Variants in PAICS observed in about 807,000 individuals in gnomAD.
The protein encoded by PAICS is bifunctional phosphoribosylaminoimidazole carboxylase/phosphoribosylaminoimidazole succinocarboxamide synthetase.
Under a neutral mutation model 53.7 loss-of-function variants are expected in PAICS, and 33 were observed. That is an observed-to-expected ratio of 0.61 (90% CI 0.47 to 0.82). The LOEUF (loss-of-function observed/expected upper bound fraction) is 0.82. PAICS is among the 40% of genes least tolerant of loss of function. The pLI, the probability that PAICS is intolerant of heterozygous loss-of-function variation, is 0.00. For synonymous variants in PAICS, 141 were observed against 167.2 expected, an observed-to-expected ratio of 0.84 and a Z score of 1.21; for missense variants, 394 against 494.1, an observed-to-expected ratio of 0.80 and a Z score of 1.92.
Position 56,446,790 on chromosome 4 carries a change from G to T in PAICS, c.310G>T (p.Ala104Ser), listed in dbSNP as rs1718640787. The T allele has an allele frequency of 1.2e-6, 2 of 1,608,398 alleles. No homozygotes were observed. Among genetic ancestry groups the T allele is most frequent in the East Asian group, 2.2e-5 (1 of 44,830 alleles). The change falls in exon 3 of 9, where the codon GCA (alanine) becomes TCA (serine). Residue 104 changes from alanine to serine, a missense_variant. This residue lies in a region of PAICS where 168 missense variants were observed against 199.3 expected (regional missense o/e 0.84). Coordinates refer to ENST00000512576, the MANE Select transcript of PAICS (RefSeq NM_001079524.2). ...AATTGAATGGGTTTGCAGAAGAATA[G>T]CAACTGGTTCTTTTCTCAAAAGAAA... ...IPIEWVCRRI[A>S]TGSFLKRNPG...
At position 56,446,731 on chromosome 4, in the gene PAICS, C is replaced by T. The variant is rs1162935974; in HGVS notation, c.251C>T (p.Thr84Ile). The stretch of plus-strand genomic sequence containing the variant: ...GCCTTCACCAGAAAATGTGGGGAGA[C>T]AGCTTTCATTGCACCGCAGTGTGAA... ...KTAFTRKCGE[T>I]AFIAPQCEMI... The change falls in exon 3 of 9, where the codon ACA becomes ATA. Residue 84 changes from threonine to isoleucine, a missense_variant. Physicochemically the swap from Thr to Ile is moderately conservative, Grantham distance 89 (BLOSUM62 -1). Around this residue, in one of 3 missense-constraint regions of PAICS, gnomAD observed 168 missense variants for 199.3 expected, o/e 0.84. Coordinates refer to ENST00000512576, the MANE Select transcript of PAICS (RefSeq NM_001079524.2). 3 of 1,603,662 alleles carry T rather than the reference C, an allele frequency of 1.9e-6. No homozygotes were observed. Among genetic ancestry groups the T allele is most frequent in the South Asian group, 2.2e-5 (2 of 89,450 alleles).
chr4:56,448,657 G>C, intron 4 of PAICS, 53 bp from the exon 5 acceptor site: 4 of 1,515,674 alleles, frequency 2.6e-6, no homozygotes, highest in Non-Finnish European at 3.6e-6. Context: ...TTATAGTTGA[G>C]AGATGCTTTC....
Position 56,459,558 on chromosome 4 carries a change from T to G in PAICS, c.*20T>G, listed in dbSNP as rs1387247176. 1.3e-6 allele frequency: 2 copies of G among 1,512,452 alleles called. No individual in the cohort carries two copies. The highest frequency in any genetic ancestry group is 2.8e-5 in the African/African-American group (2 of 72,166). 93.7% of individuals were successfully genotyped at this position (1,512,452 alleles called of 1,614,324 possible). On this transcript the variant is annotated 3_prime_UTR_variant, in exon 9 of 9. Transcript: ENST00000512576. ...TTATAAGAAAGAATGCCATTGAATT[T>G]TTTAGGGGAAAAACTACAAATTTCT...
the PAICS span, chr4:56,421,981 C>T: frequency 6.6e-6 from 1 of 152,112 alleles, no homozygotes; most frequent in Admixed American, 6.6e-5. Context: ...GTTTAAAACA[C>T]AATTCTGGGC....
the PAICS span, among the ~76,000 whole-genome samples, chr4:56,417,823 T>G: frequency 7.0e-6 from 1 of 142,520 alleles, no homozygotes; most frequent in South Asian, 2.3e-4. Context: ...TTCGGTATAA[T>G]TTGAAGATTT....
rs114819970 is a variant in PAICS, at chr4:56,450,338, A to C, written c.688-281A>C. On this transcript the variant is annotated intron_variant, in intron 5 of 8. Coordinates refer to ENST00000512576, the MANE Select transcript of PAICS (RefSeq NM_001079524.2). ...ATGTATTTAAAATAAAAAATAACAG[A>C]AAACAAAATTAGAGCAAGACCCTTT... Among the ~76,000 whole-genome samples the C allele has an allele frequency of 2.3e-3, 351 of 152,302 alleles. 3 individuals carry two copies. Among genetic ancestry groups the C allele is most frequent in the African/African-American group, 8.3e-3 (343 of 41,538 alleles).
the PAICS span, among the ~76,000 whole-genome samples, chr4:56,429,828 C>T: frequency 2.6e-5 from 4 of 152,234 alleles, no homozygotes; most frequent in Non-Finnish European, 5.9e-5. Context: ...ATTCTCACTT[C>T]TATCACCATA....
chr4:56,426,270 C>T, the PAICS span, among the ~76,000 whole-genome samples: 8 of 151,866 alleles, frequency 5.3e-5, no homozygotes, highest in Non-Finnish European at 1.2e-4. Context: ...GCGTGGTGGC[C>T]GCGCACCTGT....
chr4:56,436,507 G>A (rs1344116073), intron 1 of PAICS, 179 bp downstream of exon 1: 3 of 716,858 alleles, frequency 4.2e-6, no homozygotes, highest in Non-Finnish European at 7.8e-6. Flanking sequence ...CTGCCTCGGG[G>A]ATGGGGAGAA....
chr4:56,426,202 AC>A, the PAICS span, among the ~76,000 whole-genome samples: 2 of 152,200 alleles, frequency 1.3e-5, no homozygotes, highest in African/African-American at 4.8e-5. Flanking sequence ...AGAGATCAAG[AC>A]CATCCTGGCC....
chr4:56,432,322 G>A (rs1364121458), upstream of PAICS, among the ~76,000 whole-genome samples: 3 of 152,056 alleles, frequency 2.0e-5, no homozygotes, highest in African/African-American at 7.2e-5. Flanking sequence ...GAGGCCAGGA[G>A]TTCAAGACCA....
intron 8 of PAICS, among the ~76,000 whole-genome samples, chr4:56,456,705 G>GTT (rs1560665469): frequency 3.0e-5 from 4 of 134,848 alleles, no homozygotes; most frequent in African/African-American, 1.2e-4. Context: ...CTGCCTCTGG[G>GTT]GTTTTTTTTT....
At chr4:56,450,211 A>G (rs1718836344) in intron 5 of PAICS, among the ~76,000 whole-genome samples, 1 of 152,054 alleles carries the variant, frequency 6.6e-6, no homozygotes, top group Non-Finnish European at 1.5e-5. Context: ...TAGGAGAAAT[A>G]CCTAATGCAT....
the PAICS span, among the ~76,000 whole-genome samples, chr4:56,418,851 C>T: frequency 6.6e-6 from 1 of 152,196 alleles, no homozygotes; most frequent in Non-Finnish European, 1.5e-5. Context: ...ACCTAATACA[C>T]ACCATGGCAT....
intron 3 of PAICS, 59 bp downstream of exon 3, chr4:56,446,932 T>A: frequency 9.6e-7 from 1 of 1,046,958 alleles, no homozygotes; most frequent in Non-Finnish European, 1.3e-6. Flanking sequence ...AATTTATAAT[T>A]AGAAACTCTA....
At chr4:56,410,882 C>G in the PAICS span, 12 of 932,798 alleles carry the variant, frequency 1.3e-5, no homozygotes, top group Admixed American at 8.6e-5. Flanking sequence ...AAGTACAGCC[C>G]CAGAGACCAC....
At chr4:56,436,430 C>CA in intron 1 of PAICS, 102 bp downstream of exon 1, 1 of 1,013,946 alleles carries the variant, frequency 9.9e-7, no homozygotes, top group Non-Finnish European at 1.5e-6. Context: ...CTCCCTGCAG[C>CA]AGCGCCTCTA....
upstream of PAICS, among the ~76,000 whole-genome samples, chr4:56,433,576 T>A (rs546665479): frequency 6.6e-6 from 1 of 152,080 alleles, no homozygotes; most frequent in East Asian, 1.9e-4. Context: ...CTTGAATAAC[T>A]TTGGCAAAAA....
the PAICS span, chr4:56,420,446 A>G: frequency 2.0e-5 from 3 of 152,238 alleles, no homozygotes; most frequent in African/African-American, 4.8e-5. Flanking sequence ...GTTCAGTACC[A>G]TAAGAGGAAT....
Sources: gnomAD v4.1 joint callset for allele counts (sites outside exome capture counted in the v4.1 genomes callset) on GRCh38, gnomAD v4.1.1 for gene constraint, gnomAD v4.1.1 regional missense constraint, MANE v1.5 for transcripts, NCBI Gene and HGNC (gene_info 2026-07-23, HGNC 2026-07-21) for gene names.